Variants in NT5DC3 observed in about 807,000 individuals in gnomAD.
The protein encoded by NT5DC3 is 5'-nucleotidase domain-containing protein 3.
Under a neutral mutation model 67.8 loss-of-function variants are expected in NT5DC3, and 42 were observed. The ratio of observed to expected loss-of-function variants is 0.62; its 90% CI spans 0.48 to 0.80. The LOEUF (loss-of-function observed/expected upper bound fraction) is 0.80, where lower values mean the gene tolerates loss of function less well. Ranked by LOEUF, NT5DC3 falls within the 30% of genes least tolerant of loss-of-function variation. The pLI is 0.00. For synonymous variants in NT5DC3, 237 were observed against 255.6 expected, an observed-to-expected ratio of 0.93 and a Z score of 0.69; for missense variants, 570 against 696.4, an observed-to-expected ratio of 0.82 and a Z score of 2.04.
At position 103,793,800 on chromosome 12, in the gene NT5DC3, C is replaced by T. The variant is rs139018112; in HGVS notation, c.814+137G>A. ...TCCAGGACAAAGAGGAGACGGCTAA[C>T]ATGCCAGGATGCCAGGTCCTTACAG... On this transcript the variant is annotated intron_variant, in intron 7 of 13. Transcript: ENST00000392876. 1.5e-4 allele frequency: 103 copies of T among 708,888 alleles called. No individual in the cohort carries two copies. In the African/African-American group the frequency reaches 1.5e-3, roughly 10 times the overall value. The allele number at this position is 708,888 out of a possible 1,614,324, so 43.9% of individuals were successfully genotyped here.
Position 103,814,978 on chromosome 12 carries a change from T to G in NT5DC3, c.352A>C (p.Ile118Leu). 6.2e-7 allele frequency: 1 copy of G among 1,613,410 alleles called. No individual in the cohort carries two copies. The highest frequency in any genetic ancestry group is 1.1e-5 in the South Asian group (1 of 90,884). The change falls in exon 2 of 14, where the codon ATA (isoleucine) becomes CTA (leucine). Residue 118 changes from isoleucine (I) to leucine (L), a missense_variant. Physicochemically the swap from Ile to Leu is conservative, Grantham distance 5. Coordinates refer to ENST00000392876, the MANE Select transcript of NT5DC3 (RefSeq NM_001031701.3). ...AGAAGGTCCCGTGCAGCATTAAATA[T>G]CAGCGTGTGGAGGTGCTTTGAATAA... ...VFYSKHLHTL[I>L]FNAARDLLIN...
At chr12:103,838,865 C>T (rs1888260101) in intron 1 of NT5DC3, among the ~76,000 whole-genome samples, 1 of 152,152 alleles carries the variant, frequency 6.6e-6, no homozygotes. Flanking sequence ...CAAAAGGTTA[C>T]ATACTGTATG....
chr12:103,778,977 T>A (rs1012164678), intron 13 of NT5DC3, among the ~76,000 whole-genome samples: 1 of 152,144 alleles, frequency 6.6e-6, no homozygotes, highest in Non-Finnish European at 1.5e-5. Context: ...CTGCTCCCGA[T>A]GGTACACAGA....
chr12:103,812,347 T>A (rs1352523009), intron 2 of NT5DC3, among the ~76,000 whole-genome samples: 2 of 152,144 alleles, frequency 1.3e-5, no homozygotes. Flanking sequence ...AAGAGAAAAA[T>A]TTGCGTAAGC....
chr12:103,821,716 A>G (rs988431350), intron 1 of NT5DC3: 3 of 152,216 alleles, frequency 2.0e-5, no homozygotes, highest in Admixed American at 2.0e-4. Flanking sequence ...GGAATTCTAA[A>G]AAAGTTTATT....
the NT5DC3 span, chr12:103,746,772 T>C: frequency 4.0e-6 from 6 of 1,497,834 alleles, no homozygotes; most frequent in African/African-American, 1.4e-5. Flanking sequence ...TTGCTCACAG[T>C]GCCTGGGCTT....
the NT5DC3 span, among the ~76,000 whole-genome samples, chr12:103,754,637 G>C: frequency 7.4e-4 from 112 of 152,180 alleles, 2 homozygotes; most frequent in East Asian, 0.02. Flanking sequence ...TGAGAGCAAT[G>C]ATGATATTAT....
At chr12:103,780,494 AAT>A in intron 12 of NT5DC3, 130 bp from the exon 13 acceptor site, 1 of 753,738 alleles carries the variant, frequency 1.3e-6, no homozygotes, top group Non-Finnish European at 2.3e-6. Flanking sequence ...CTGGCACCTG[AAT>A]GAAATAATAC....
At chr12:103,762,435 G>T in the NT5DC3 span, 1 of 1,614,002 alleles carries the variant, frequency 6.2e-7, no homozygotes, top group African/African-American at 1.3e-5. Context: ...TGATGATGGG[G>T]TCCTCTCCAA....
At chr12:103,746,502 G>A in the NT5DC3 span, 1 of 1,148,760 alleles carries the variant, frequency 8.7e-7, no homozygotes, top group South Asian at 1.3e-5. Context: ...TATGAACACA[G>A]TGGTCGTCCA....
chr12:103,831,644 A>G (rs1887931027), intron 1 of NT5DC3, among the ~76,000 whole-genome samples: 1 of 152,158 alleles, frequency 6.6e-6, no homozygotes, highest in South Asian at 2.1e-4. Context: ...AGAGTCTCCA[A>G]CAGTGTGTGT....
chr12:103,763,232 T>A, the NT5DC3 span: 1 of 431,582 alleles, frequency 2.3e-6, no homozygotes, highest in Non-Finnish European at 4.2e-6. Context: ...GCTAAGAGCA[T>A]GTGAACACAT....
Position 103,793,186 on chromosome 12 carries a change from T to C in NT5DC3, c.997A>G (p.Asn333Asp), listed in dbSNP as rs1212640300. The C allele has an allele frequency of 3.1e-6, 5 of 1,604,220 alleles. No homozygotes were observed. The African/African-American group carries it at 6.7e-5, about 22-fold the overall frequency. The stretch of plus-strand genomic sequence containing the variant: ...CACCTCCGCTTATCATTAAAGAAGT[T>C]TGGCTTCTCAGCCTGAACAATGACC... ...DVVIVQAEKPNFFNDKRRPFR... is the reference protein window; with the variant it reads ...DVVIVQAEKPDFFNDKRRPFR... Residue 333 changes from asparagine (N) to aspartate (D), a missense_variant, in exon 9 of 14, where the codon AAC becomes GAC. By Grantham distance (23) the Asn-to-Asp change is conservative. Transcript: ENST00000392876.
chr12:103,780,305 C>T lies in NT5DC3; in HGVS notation c.1389G>A (p.Glu463=). The stretch of plus-strand genomic sequence containing the variant: ...TCAATACAGGCCTCTCTTACCGCAT[C>T]TCCTTCCTTTCCTTTTTCCACTCCT... ...VLQEWKKERK[E]MREMTKSFFN... Residue 463 remains glutamate, a synonymous_variant, in exon 13 of 14, where the codon GAG becomes GAA. Transcript: ENST00000392876. 6.2e-7 allele frequency: 1 copy of T among 1,613,854 alleles called. No homozygotes were observed. The highest frequency in any genetic ancestry group is 8.5e-7 in the Non-Finnish European group (1 of 1,179,712).
intron 4 of NT5DC3, among the ~76,000 whole-genome samples, chr12:103,800,011 T>C (rs1886497682): frequency 6.6e-6 from 1 of 152,054 alleles, no homozygotes; most frequent in African/African-American, 2.4e-5. Flanking sequence ...ACAGACTGAA[T>C]AGTACAGGAA....
At chr12:103,824,359 G>C (rs17034640) in intron 1 of NT5DC3, among the ~76,000 whole-genome samples, 1 of 152,130 alleles carries the variant, frequency 6.6e-6, no homozygotes, top group Non-Finnish European at 1.5e-5. Context: ...ATGTTGAGAC[G>C]AAACAAAATG....
chr12:103,793,087 T>G (rs1219601397), intron 9 of NT5DC3, 77 bp downstream of exon 9: 42 of 1,066,758 alleles, frequency 3.9e-5, no homozygotes, highest in Non-Finnish European at 2.1e-5. Context: ...GCAACTGGAT[T>G]TTACCAAGAC....
the NT5DC3 span, among the ~76,000 whole-genome samples, chr12:103,761,724 G>A: frequency 6.6e-5 from 10 of 152,096 alleles, no homozygotes; most frequent in Non-Finnish European, 1.2e-4. Context: ...CCTCCACTTC[G>A]TAGCATCTCT....
At chr12:103,762,742 C>T in the NT5DC3 span, among the ~76,000 whole-genome samples, 38,530 of 152,204 alleles carry the variant, frequency 0.25, 5,437 homozygotes, top group South Asian at 0.47. Flanking sequence ...ACTGCACAAG[C>T]ACACCCCATG....
Sources: allele counts gnomAD v4.1 joint callset (sites outside exome capture counted in the v4.1 genomes callset), GRCh38; gene constraint gnomAD v4.1.1; transcripts MANE v1.5; gene names NCBI Gene and HGNC (gene_info 2026-07-23, HGNC 2026-07-21).